The following SLC38A8 variants were observed in gnomAD, a reference collection of about 807,000 sequenced individuals.
SLC38A8 encodes the protein amino acid transporter SLC38A8.
In SLC38A8, 65 loss-of-function variants were observed where a neutral mutation model predicts 46.0. That is an observed-to-expected ratio of 1.41 (90% confidence interval 1.16 to 1.74). The LOEUF (loss-of-function observed/expected upper bound fraction) is 1.74. SLC38A8 is among the 40% of genes most tolerant of loss of function. The pLI is 0.00. For synonymous variants in SLC38A8, 447 were observed against 243.7 expected (o/e 1.83, Z -7.77); for missense variants, 998 against 567.9 (o/e 1.76, Z -7.70).
At chr16:84,013,761 G>C (rs982103059) in intron 9 of SLC38A8, among the ~76,000 whole-genome samples, 3 of 150,744 alleles carry the variant, frequency 2.0e-5, no homozygotes, top group East Asian at 1.9e-4. Context: ...AGTTCTGCTA[G>C]GATTCAGGGC....
intron 9 of SLC38A8, 137 bp downstream of exon 9, chr16:84,016,382 G>T (rs1029572470): frequency 6.5e-6 from 6 of 921,326 alleles, no homozygotes; most frequent in Non-Finnish European, 9.7e-6. Context: ...CAATAAAAAG[G>T]GCACCTACAT....
chr16:84,013,878 G>C (rs1474583143), intron 9 of SLC38A8, among the ~76,000 whole-genome samples: 1 of 152,180 alleles, frequency 6.6e-6, no homozygotes, highest in Non-Finnish European at 1.5e-5. Flanking sequence ...TGGCCACCTG[G>C]TCACAGCATC....
chr16:84,019,992 C>T (rs1368510848), intron 7 of SLC38A8, among the ~76,000 whole-genome samples: 2 of 152,244 alleles, frequency 1.3e-5, no homozygotes, highest in African/African-American at 4.8e-5. Flanking sequence ...GCACCTGATG[C>T]CTGAAGTTCT....
rs754640768 is a variant in SLC38A8, at chr16:84,016,643, G to T, written c.1038C>A (p.Val346=). 13 of 1,613,762 alleles carry T rather than the reference G, an allele frequency of 8.1e-6. No individual in the cohort carries two copies. The highest frequency in any genetic ancestry group is 1.0e-5 in the Non-Finnish European group (12 of 1,180,044). The change falls in exon 9 of 11, where the codon GTC becomes GTA. Residue 346 remains valine, a synonymous_variant. Coordinates refer to ENST00000299709, the MANE Select transcript of SLC38A8 (RefSeq NM_001080442.3). ...SALADPSGLW[V]RMPLTILWVT... ...CCCACAGGATGGTCAGCGGCATCCG[G>T]ACCCACAGCCCTGAGGGGTCGGCCA...
At position 84,042,591 on chromosome 16, in the gene SLC38A8, G is replaced by C. The variant is rs1228594768; in HGVS notation, c.-43C>G. The stretch of plus-strand genomic sequence containing the variant: ...TTAAGGTGCCGGACAGTCTTTGGCT[G>C]TTGGGGATGGGACTCGGGCTTACTC... On this transcript the variant is annotated 5_prime_UTR_variant, in exon 1 of 11. Coordinates refer to ENST00000299709, the MANE Select transcript of SLC38A8 (RefSeq NM_001080442.3). The C allele has an allele frequency of 6.4e-6, 1 of 156,790 alleles. No homozygotes were observed. The highest frequency in any genetic ancestry group is 1.4e-5 in the Non-Finnish European group (1 of 70,944). The allele number at this position is 156,790 out of a possible 1,614,324, so 9.7% of individuals were successfully genotyped here.
chr16:84,033,384 C>T lies in SLC38A8; in HGVS notation c.474G>A (p.Val158=). The T allele has an allele frequency of 1.2e-6, 2 of 1,614,006 alleles. No individual in the cohort carries two copies. Among genetic ancestry groups the T allele is most frequent in the Non-Finnish European group, 1.7e-6 (2 of 1,179,958 alleles). ...GGGCAGACAGGGGCAGGATGACCAG[C>T]ACGGAGAGCAGGGGCAGGGTGAAGC... ...DQRFTLPLLS[V]LVILPLSAPR... Residue 158 remains valine, a synonymous_variant, in exon 4 of 11, where the codon GTG becomes GTA. Transcript: ENST00000299709.
At chr16:84,023,979 G>A (rs996801310) in intron 6 of SLC38A8, among the ~76,000 whole-genome samples, 1 of 152,176 alleles carries the variant, frequency 6.6e-6, no homozygotes, top group Non-Finnish European at 1.5e-5. Flanking sequence ...CTACACCAGG[G>A]TTTCTCAGCC....
chr16:84,019,706 G>C (rs548733262), intron 7 of SLC38A8, among the ~76,000 whole-genome samples: 1 of 152,200 alleles, frequency 6.6e-6, no homozygotes, highest in African/African-American at 2.4e-5. Flanking sequence ...AAAGTCCAGA[G>C]TGTGGTCTGT....
At chr16:84,029,239 T>G (rs72799232) in intron 6 of SLC38A8, among the ~76,000 whole-genome samples, 7,098 of 152,238 alleles carry the variant, frequency 0.047, 265 homozygotes, top group Non-Finnish European at 0.072. Context: ...AACATGGTGC[T>G]GCTTTTGGCC....
chr16:84,029,164 C>G (rs1029442363), intron 6 of SLC38A8, among the ~76,000 whole-genome samples: 5 of 152,154 alleles, frequency 3.3e-5, no homozygotes, highest in African/African-American at 9.7e-5. Flanking sequence ...TGACTGCAGT[C>G]CTGTGGGGGT....
At chr16:84,021,907 G>A (rs1265862191) in intron 7 of SLC38A8, among the ~76,000 whole-genome samples, 5 of 152,238 alleles carry the variant, frequency 3.3e-5, no homozygotes, top group African/African-American at 1.2e-4. Context: ...AGTGTCACAT[G>A]GCAAGGGGGC....
At chr16:84,040,758 A>AT (rs2151130850) in intron 2 of SLC38A8, among the ~76,000 whole-genome samples, 1 of 152,238 alleles carries the variant, frequency 6.6e-6, no homozygotes, top group Non-Finnish European at 1.5e-5. Context: ...ACGCCATGTC[A>AT]TATCATCCCC....
intron 7 of SLC38A8, among the ~76,000 whole-genome samples, chr16:84,020,117 C>G (rs1227684828): frequency 6.6e-6 from 1 of 151,928 alleles, no homozygotes; most frequent in African/African-American, 2.4e-5. Context: ...CAGTTGGACC[C>G]CTACGCTTTC....
At chr16:84,021,360 C>T (rs1009390414) in intron 7 of SLC38A8, among the ~76,000 whole-genome samples, 3 of 152,204 alleles carry the variant, frequency 2.0e-5, no homozygotes, top group East Asian at 1.9e-4. Flanking sequence ...CCACGGCACC[C>T]GGCCAGTTCA....
intron 2 of SLC38A8, among the ~76,000 whole-genome samples, chr16:84,040,258 G>A (rs144906378): frequency 5.6e-4 from 85 of 152,288 alleles, no homozygotes; most frequent in African/African-American, 2.0e-3. Context: ...TTGGGGTGGC[G>A]GGAGCGTGTC....
intron 3 of SLC38A8, 104 bp downstream of exon 3, chr16:84,036,598 T>G (rs1345429111): frequency 1.5e-6 from 2 of 1,339,736 alleles, no homozygotes; most frequent in East Asian, 5.0e-5. Context: ...CTGCTGTCCC[T>G]CAGGGCCCAG....
At chr16:84,023,795 G>C (rs2085125484) in intron 6 of SLC38A8, among the ~76,000 whole-genome samples, 1 of 152,216 alleles carries the variant, frequency 6.6e-6, no homozygotes, top group African/African-American at 2.4e-5. Flanking sequence ...TCAGGAAGCT[G>C]AGGCAGGTGA....
At chr16:84,035,695 G>C (rs865983023) in intron 3 of SLC38A8, among the ~76,000 whole-genome samples, 3 of 152,232 alleles carry the variant, frequency 2.0e-5, no homozygotes, top group African/African-American at 7.2e-5. Context: ...AAGGATGCTA[G>C]AGTGCCTCTA....
intron 7 of SLC38A8, among the ~76,000 whole-genome samples, chr16:84,020,231 C>G (rs562013093): frequency 2.0e-5 from 3 of 151,958 alleles, no homozygotes; most frequent in South Asian, 4.2e-4. Context: ...GCCTTGACCT[C>G]CAGGGCTCAA....
Sources: gnomAD v4.1 joint callset for allele counts (sites outside exome capture counted in the v4.1 genomes callset) on GRCh38, gnomAD v4.1.1 for gene constraint, MANE v1.5 for transcripts, NCBI Gene and HGNC (gene_info 2026-07-23, HGNC 2026-07-21) for gene names.